The following RPL21 variants were observed in gnomAD, a reference collection of about 807,000 sequenced individuals.
RPL21 encodes ribosomal protein L21.
In RPL21, 1 loss-of-function variant was observed where a neutral mutation model predicts 21.2. The ratio of observed to expected loss-of-function variants is 0.05; its 90% CI spans 0.02 to 0.22. The LOEUF (loss-of-function observed/expected upper bound fraction) is 0.22, where lower values mean the gene tolerates loss of function less well. Among genes scored for constraint, RPL21 ranks in the 10% least tolerant of loss-of-function variants. RPL21 has a pLI of 1.00. For missense variants in RPL21, 113 were observed against 199.4 expected, an observed-to-expected ratio of 0.57 and a Z score of 2.61; for synonymous variants, 52 against 62.9, an observed-to-expected ratio of 0.83 and a Z score of 0.82.
chr13:27,252,858 T>C (rs976941852), intron 1 of RPL21, among the ~76,000 whole-genome samples: 7 of 152,238 alleles, frequency 4.6e-5, no homozygotes, highest in African/African-American at 1.7e-4. Flanking sequence ...GTTAGAATAT[T>C]GTCAACACGT....
At chr13:27,255,611 G>T (rs993862065) in intron 4 of RPL21, 3 of 574,226 alleles carry the variant, frequency 5.2e-6, no homozygotes, top group African/African-American at 1.8e-5. Context: ...TTGCTCTGTC[G>T]CCCTGGCTGG....
intron 1 of RPL21, among the ~76,000 whole-genome samples, chr13:27,253,505 A>G (rs1881746817): frequency 1.3e-5 from 2 of 152,362 alleles, no homozygotes; most frequent in South Asian, 4.1e-4. Flanking sequence ...CTCATAGAGA[A>G]AGGGTACTAG....
chr13:27,252,578 G>A (rs953111299), intron 1 of RPL21, among the ~76,000 whole-genome samples: 2 of 152,136 alleles, frequency 1.3e-5, no homozygotes, highest in Admixed American at 1.3e-4. Flanking sequence ...AACTGATTAT[G>A]CCACTTGGTG....
intron 4 of RPL21, chr13:27,255,910 CT>C (rs1175913536): frequency 1.1e-5 from 4 of 380,258 alleles, no homozygotes; most frequent in Non-Finnish European, 1.4e-5. Flanking sequence ...GTTTAGTAAA[CT>C]TTTAAATTTT....
intron 3 of RPL21, chr13:27,254,935 C>T (rs1430884561): frequency 2.1e-6 from 1 of 474,134 alleles, no homozygotes; most frequent in Non-Finnish European, 3.9e-6. Flanking sequence ...ATGAGTTTAT[C>T]AAGTTGGAAA....
rs1422640568 is a variant in RPL21 at position 27,255,382 on chromosome 13, T to C, written c.242+28T>C. The C allele has an allele frequency of 3.3e-6, 3 of 912,412 alleles. No homozygotes were observed. In the Admixed American group the frequency reaches 5.1e-5, roughly 15 times the overall value. The allele number at this position is 912,412 out of a possible 1,614,324, so 56.5% of individuals were successfully genotyped here. On this transcript the variant is annotated intron_variant, in intron 4 of 5. Coordinates refer to ENST00000311549, the MANE Select transcript of RPL21 (RefSeq NM_000982.4). ...AAGTAGTGTTGTAGTTCTTTGTGGC[T>C]AACCAGTATTCCCTCATATACCCCC...
At chr13:27,252,132 C>T (rs1394321842) in intron 1 of RPL21, among the ~76,000 whole-genome samples, 1 of 152,082 alleles carries the variant, frequency 6.6e-6, no homozygotes, top group East Asian at 1.9e-4. Flanking sequence ...GAGTGGGTCC[C>T]GGAGTCGTCC....
intron 4 of RPL21, 113 bp from the exon 5 acceptor site, chr13:27,256,071 A>G: frequency 3.7e-6 from 3 of 805,520 alleles, no homozygotes; most frequent in East Asian, 5.4e-5. Flanking sequence ...TTGATTTGTC[A>G]TATCTGGGTA....
Sources: gnomAD v4.1 joint callset for allele counts (sites outside exome capture counted in the v4.1 genomes callset) on GRCh38, gnomAD v4.1.1 for gene constraint, MANE v1.5 for transcripts, NCBI Gene and HGNC (gene_info 2026-07-23, HGNC 2026-07-21) for gene names.